The following GUCY1A2 variants were observed in gnomAD, a reference collection of about 807,000 sequenced individuals.
The protein encoded by GUCY1A2 is guanylate cyclase soluble subunit alpha-2.
Under a neutral mutation model 63.5 loss-of-function variants are expected in GUCY1A2, and 27 were observed. The observed-to-expected ratio is 0.43, with a 90% CI of 0.31 to 0.59. The LOEUF (loss-of-function observed/expected upper bound fraction) is 0.59. GUCY1A2 is among the 20% of genes least tolerant of loss of function. GUCY1A2 has a pLI of 0.11. For missense variants in GUCY1A2, 768 were observed against 913.3 expected, an observed-to-expected ratio of 0.84 and a Z score of 2.05; for synonymous variants, 364 against 343.5, an observed-to-expected ratio of 1.06 and a Z score of -0.66.
intron 4 of GUCY1A2, among the ~76,000 whole-genome samples, chr11:106,870,957 G>C (rs1193186044): frequency 6.6e-6 from 1 of 152,068 alleles, no homozygotes; most frequent in Non-Finnish European, 1.5e-5. Context: ...TACACTTGTT[G>C]CTCTAAATTA....
chr11:107,005,339 T>A (rs1861658322), intron 1 of GUCY1A2, among the ~76,000 whole-genome samples: 1 of 152,204 alleles, frequency 6.6e-6, no homozygotes, highest in African/African-American at 2.4e-5. Context: ...AGTAGTGTGA[T>A]CATAGCTCAT....
intron 5 of GUCY1A2, among the ~76,000 whole-genome samples, chr11:106,802,576 G>C (rs187764094): frequency 1.3e-3 from 194 of 152,192 alleles, no homozygotes; most frequent in African/African-American, 4.6e-3. Flanking sequence ...GTCTGCTCAG[G>C]CTGCTATACC....
chr11:106,761,056 C>T (rs1864057750), intron 6 of GUCY1A2, among the ~76,000 whole-genome samples: 1 of 152,180 alleles, frequency 6.6e-6, no homozygotes, highest in Admixed American at 6.5e-5. Context: ...CCAAATTATA[C>T]TTCTTCTATC....
At chr11:106,795,584 T>C (rs1288488288) in intron 5 of GUCY1A2, among the ~76,000 whole-genome samples, 1 of 152,096 alleles carries the variant, frequency 6.6e-6, no homozygotes, top group East Asian at 1.9e-4. Flanking sequence ...CACAGCTAAA[T>C]CAGCAGTCTC....
At chr11:106,690,079 A>C (rs2135335012) in intron 7 of GUCY1A2, among the ~76,000 whole-genome samples, 1 of 152,290 alleles carries the variant, frequency 6.6e-6, no homozygotes, top group South Asian at 2.1e-4. Flanking sequence ...TTGGGAATGT[A>C]AATTAGTTCA....
At position 106,757,905 on chromosome 11, in the gene GUCY1A2, T is replaced by C. The variant is rs527995656; in HGVS notation, c.1836+18534A>G. 1.1e-3 allele frequency among the ~76,000 whole-genome samples: 161 copies of C among 152,334 alleles called. 2 individuals are homozygous for C. The highest frequency in any genetic ancestry group is 1.3e-4 in the Non-Finnish European group (9 of 68,018). ...GTGTTGGGAGAACCACTGCTGTCTT[T>C]AGAGCTGTCAGGCAGGGATGTTTAA... On this transcript the variant is annotated intron_variant, in intron 6 of 7. Transcript: ENST00000526355.
At chr11:106,731,407 T>C (rs1863502869) in intron 6 of GUCY1A2, among the ~76,000 whole-genome samples, 1 of 152,166 alleles carries the variant, frequency 6.6e-6, no homozygotes, top group African/African-American at 2.4e-5. Flanking sequence ...GAGCCACCTA[T>C]GACAAATCCA....
At chr11:106,689,516 C>T (rs578217467) in intron 7 of GUCY1A2, among the ~76,000 whole-genome samples, 1 of 151,926 alleles carries the variant, frequency 6.6e-6, no homozygotes, top group South Asian at 2.1e-4. Context: ...CATAAATTTA[C>T]AGGAAAAAAA....
At chr11:106,739,517 T>G (rs575608264) in intron 6 of GUCY1A2, among the ~76,000 whole-genome samples, 181 of 152,308 alleles carry the variant, frequency 1.2e-3, no homozygotes, top group Non-Finnish European at 1.8e-3. Flanking sequence ...TTTTACAGAT[T>G]AGGGAATTGA....
intron 5 of GUCY1A2, among the ~76,000 whole-genome samples, chr11:106,777,361 C>T (rs763615836): frequency 3.3e-5 from 5 of 150,302 alleles, no homozygotes; most frequent in African/African-American, 9.8e-5. Context: ...GCAGGAGAAT[C>T]GCTTGAACCC....
chr11:106,943,625 G>A (rs1860781690), intron 3 of GUCY1A2, among the ~76,000 whole-genome samples: 1 of 152,106 alleles, frequency 6.6e-6, no homozygotes, highest in African/African-American at 2.4e-5. Context: ...ATCTATCACT[G>A]GCATAATGCC....
chr11:106,855,905 ATTTATTTAT>A (rs146107867), intron 4 of GUCY1A2, among the ~76,000 whole-genome samples: 24,982 of 88,640 alleles, frequency 0.28, 2,560 homozygotes, highest in East Asian at 0.5. Context: ...TTATTTATTT[ATTTATTTAT>A]TTATTTATTT....
At chr11:106,707,309 T>A (rs1001949263) in intron 7 of GUCY1A2, among the ~76,000 whole-genome samples, 5 of 152,188 alleles carry the variant, frequency 3.3e-5, no homozygotes, top group Middle Eastern at 3.4e-3. Context: ...ACCCTCTAAT[T>A]TGGTATCAAA....
At chr11:106,908,679 A>T (rs1860248538) in intron 4 of GUCY1A2, among the ~76,000 whole-genome samples, 1 of 152,058 alleles carries the variant, frequency 6.6e-6, no homozygotes, top group African/African-American at 2.4e-5. Flanking sequence ...ATAAAATCAG[A>T]TTCTTTTTGT....
chr11:106,764,963 A>AT (rs536338612), intron 6 of GUCY1A2, among the ~76,000 whole-genome samples: 897 of 39,848 alleles, frequency 0.023, 16 homozygotes, highest in African/African-American at 0.11. Flanking sequence ...TACTTTGCAG[A>AT]TTTTTTTGGG....
intron 3 of GUCY1A2, among the ~76,000 whole-genome samples, chr11:106,967,532 T>C (rs1302512717): frequency 6.6e-6 from 1 of 152,108 alleles, no homozygotes; most frequent in African/African-American, 2.4e-5. Flanking sequence ...GAGGGATTTA[T>C]CTAGAACTAG....
At chr11:106,800,217 T>A (rs1440416199) in intron 5 of GUCY1A2, among the ~76,000 whole-genome samples, 1 of 152,140 alleles carries the variant, frequency 6.6e-6, no homozygotes, top group Non-Finnish European at 1.5e-5. Flanking sequence ...AGAATGGCGA[T>A]CATTAAACAG....
At chr11:106,708,016 C>T (rs1326584168) in intron 7 of GUCY1A2, among the ~76,000 whole-genome samples, 1 of 151,708 alleles carries the variant, frequency 6.6e-6, no homozygotes. Flanking sequence ...ACAAATATTC[C>T]AAAACTCAAA....
chr11:106,709,984 T>C (rs965685743), intron 6 of GUCY1A2, among the ~76,000 whole-genome samples: 11 of 134,396 alleles, frequency 8.2e-5, no homozygotes, highest in Non-Finnish European at 1.4e-4. Context: ...TATATACATG[T>C]ATATAATATA....
Sources: gnomAD v4.1 joint callset for allele counts (sites outside exome capture counted in the v4.1 genomes callset) on GRCh38, gnomAD v4.1.1 for gene constraint, MANE v1.5 for transcripts, NCBI Gene and HGNC (gene_info 2026-07-23, HGNC 2026-07-21) for gene names.